NUP214: variants seen among roughly 807,000 people sequenced by gnomAD.
The protein encoded by NUP214 is nuclear pore complex protein Nup214.
A neutral mutation model predicts 196.2 loss-of-function variants in NUP214; 79 were observed. The ratio of observed to expected loss-of-function variants is 0.40; its 90% CI spans 0.34 to 0.49. The LOEUF (loss-of-function observed/expected upper bound fraction) is 0.49. Ranked by LOEUF, NUP214 falls within the 20% of genes least tolerant of loss-of-function variation. NUP214 has a pLI of 0.58. For missense variants in NUP214, 2,468 were observed against 2,539.0 expected, an observed-to-expected ratio of 0.97 and a Z score of 0.60; for synonymous variants, 1,020 against 990.5, an observed-to-expected ratio of 1.03 and a Z score of -0.56.
At chr9:131,168,546 T>C (rs1469696125) in intron 21 of NUP214, among the ~76,000 whole-genome samples, 1 of 152,234 alleles carries the variant, frequency 6.6e-6, no homozygotes, top group African/African-American at 2.4e-5. Flanking sequence ...CTGATCTGCT[T>C]TCTTTCTTCT....
In NUP214 at chr9:131,175,490, A is replaced by G. The variant is rs756530035; in HGVS notation, c.3188A>G (p.Gln1063Arg). The stretch of plus-strand genomic sequence containing the variant: ...ACATCTGCTAGCAAAATTATTCCTC[A>G]AGGGGCCGATAGCACAATGCTTGCC... Reference protein sequence around the residue: ...VATSASKIIPQGADSTMLATK... With the variant: ...VATSASKIIPRGADSTMLATK... The change falls in exon 23 of 36, where the codon CAA (glutamine) becomes CGA (arginine). Residue 1063 changes from glutamine (Q) to arginine (R), a missense_variant. Gln to Arg is a conservative substitution (Grantham distance 43). Around this residue, in one of 5 missense-constraint regions of NUP214, gnomAD observed 1,801 missense variants for 1,779.4 expected, o/e 1.01. Coordinates refer to ENST00000359428, the MANE Select transcript of NUP214 (RefSeq NM_005085.4). The G allele has an allele frequency of 4.3e-6, 7 of 1,614,036 alleles. No individual in the cohort carries two copies. The African/African-American group carries it at 8.0e-5, about 18-fold the overall frequency.
intron 14 of NUP214, among the ~76,000 whole-genome samples, chr9:131,148,000 G>A (rs781601643): frequency 1.3e-5 from 2 of 152,174 alleles, no homozygotes; most frequent in Non-Finnish European, 1.5e-5. Flanking sequence ...TAGCCTGGTC[G>A]ACATGGTGAA....
chr9:131,173,564 T>A (rs1240250875), intron 21 of NUP214, among the ~76,000 whole-genome samples: 5 of 151,768 alleles, frequency 3.3e-5, no homozygotes, highest in Admixed American at 3.3e-4. Flanking sequence ...CCTAATTGTC[T>A]GAATCAGAAG....
chr9:131,170,777 T>C (rs1588144714), intron 21 of NUP214, among the ~76,000 whole-genome samples: 1 of 146,410 alleles, frequency 6.8e-6, no homozygotes, highest in Non-Finnish European at 1.5e-5. Flanking sequence ...TTTCTGCCTT[T>C]CCAGTCCTTT....
At chr9:131,225,704 G>C in intron 32 of NUP214, among the ~76,000 whole-genome samples, 1 of 152,160 alleles carries the variant, frequency 6.6e-6, no homozygotes, top group East Asian at 1.9e-4. Context: ...TGAAAGAGGG[G>C]ACTGGAAGTC....
chr9:131,137,535 C>T (rs7861678), intron 9 of NUP214, among the ~76,000 whole-genome samples: 35,832 of 148,134 alleles, frequency 0.24, 4,476 homozygotes, highest in East Asian at 0.41. Context: ...GTTTTTTACC[C>T]TCATTTCTGG....
intron 30 of NUP214, among the ~76,000 whole-genome samples, chr9:131,204,293 TGAA>T (rs953202842): frequency 1.3e-5 from 2 of 152,168 alleles, no homozygotes; most frequent in African/African-American, 4.8e-5. Context: ...ATAGCAAATT[TGAA>T]GAAGAACCAA....
In NUP214 at chr9:131,228,376, A is replaced by G. The variant is rs566912094; in HGVS notation, c.6074+45A>G. On this transcript the variant is annotated intron_variant, in intron 33 of 35. Transcript: ENST00000359428. ...CCCTTGGGAACCCACACGCCAGCCAAAAAGCACTAGGGGCCTGTACTCTTG... is the reference window on the plus strand; with the variant it reads ...CCCTTGGGAACCCACACGCCAGCCAGAAAGCACTAGGGGCCTGTACTCTTG... 3.2e-6 allele frequency: 5 copies of G among 1,541,316 alleles called. No homozygotes were observed. In the South Asian group the frequency reaches 3.6e-5, roughly 11 times the overall value.
Position 131,129,394 on chromosome 9 carries a change from C to T in NUP214, c.509C>T (p.Ala170Val). The change falls in exon 4 of 36, where the codon GCT becomes GTT. Residue 170 changes from alanine to valine, a missense_variant. By Grantham distance (64) the Ala-to-Val change is moderately conservative. Transcript: ENST00000359428. ...TVPSMVAVCLADGSIAVLQVT... is the reference protein window; with the variant it reads ...TVPSMVAVCLVDGSIAVLQVT... ...CCCTCCATGGTGGCAGTTTGTCTGG[C>T]TGATGGTAGTATTGCTGTCCTGCAA... is the stretch of plus-strand genomic sequence containing the variant. The T allele has an allele frequency of 6.2e-7, 1 of 1,614,216 alleles. No homozygotes were observed. Among genetic ancestry groups the T allele is most frequent in the South Asian group, 1.1e-5 (1 of 91,092 alleles).
chr9:131,231,747 A>G (rs960693584), intron 34 of NUP214, among the ~76,000 whole-genome samples: 3 of 152,028 alleles, frequency 2.0e-5, no homozygotes, highest in African/African-American at 7.2e-5. Context: ...TAAACTGACA[A>G]GGCACAGAAT....
intron 30 of NUP214, among the ~76,000 whole-genome samples, chr9:131,210,023 G>C (rs1214346744): frequency 6.6e-6 from 1 of 152,190 alleles, no homozygotes; most frequent in Non-Finnish European, 1.5e-5. Flanking sequence ...CTCTGTTCCA[G>C]ATCAACCCTT....
intron 1 of NUP214, chr9:131,126,413 A>C (rs1831353043): frequency 6.6e-6 from 1 of 152,352 alleles, no homozygotes; most frequent in African/African-American, 2.4e-5. Context: ...TTCTGACAGA[A>C]TGAGGGTACA....
At chr9:131,177,417 T>C (rs1833149389) in intron 23 of NUP214, among the ~76,000 whole-genome samples, 1 of 152,184 alleles carries the variant, frequency 6.6e-6, no homozygotes, top group Non-Finnish European at 1.5e-5. Context: ...TCTATTAGGA[T>C]TGAGGATTGT....
rs1476884132 is a variant in NUP214 at position 131,178,514 on chromosome 9, C to T, written c.3419+104C>T. 9 of 790,578 alleles carry T rather than the reference C, an allele frequency of 1.1e-5. No homozygotes were observed. The Admixed American group carries it at 1.7e-4, about 15-fold the overall frequency. The allele number at this position is 790,578 out of a possible 1,614,324, so 49.0% of individuals were successfully genotyped here. ...CCACTGTCACAGTCTGGTTTTCCTGCACCGCCTTAGGTTATAAGGGGGGTG... is the reference window on the plus strand; with the variant it reads ...CCACTGTCACAGTCTGGTTTTCCTGTACCGCCTTAGGTTATAAGGGGGGTG... On this transcript the variant is annotated intron_variant, in intron 24 of 35. Coordinates refer to ENST00000359428, the MANE Select transcript of NUP214 (RefSeq NM_005085.4).
intron 18 of NUP214, 127 bp downstream of exon 18, chr9:131,159,613 T>G: frequency 2.6e-6 from 2 of 764,236 alleles, no homozygotes; most frequent in Admixed American, 4.8e-5. Context: ...ATCCCAGCAC[T>G]TTGGCAGGCC....
At chr9:131,190,858 C>G (rs983155780) in intron 26 of NUP214, 1 of 157,322 alleles carries the variant, frequency 6.4e-6, no homozygotes, top group African/African-American at 2.4e-5. Context: ...TCTGCCCCCT[C>G]TTACAATAAA....
Position 131,198,271 on chromosome 9 carries a change from C to T in NUP214, c.4777C>T (p.Gln1593Ter). The change falls in exon 29 of 36, where the codon CAG becomes TAG. Residue 1593 changes from glutamine to a stop codon, truncating the protein, a stop_gained. Transcript: ENST00000359428. LOFTEE classifies it high-confidence loss of function. ...PPASSFSVPG[Q>*]TAVTAAAISS... ...TGCTTCCTCCTTTTCTGTGCCTGGG[C>T]AGACTGCTGTCACAGCAGCTGCTAT... 1.9e-6 allele frequency: 3 copies of T among 1,614,212 alleles called. No homozygotes were observed. Among genetic ancestry groups the T allele is most frequent in the Non-Finnish European group, 2.5e-6 (3 of 1,180,040 alleles).
At chr9:131,202,871 A>C (rs896544857) in intron 30 of NUP214, among the ~76,000 whole-genome samples, 5 of 151,880 alleles carry the variant, frequency 3.3e-5, no homozygotes, top group African/African-American at 1.2e-4. Flanking sequence ...GTTTGATTTT[A>C]TGTAGCTAGC....
rs1308117820 is a variant in NUP214 at position 131,174,250 on chromosome 9, C to T, written c.3089C>T (p.Pro1030Leu). The change falls in exon 22 of 36, where the codon CCC (proline) becomes CTC (leucine). Residue 1030 changes from proline (P) to leucine (L), a missense_variant. Physicochemically the swap from Pro to Leu is moderately conservative, Grantham distance 98 (BLOSUM62 -3). Transcript: ENST00000359428. The part of the protein sequence containing the change: ...RTPSIQPSLL[P>L]HAAPFAKSHL... ...CCTTCCATCCAGCCCAGTCTCTTGC[C>T]CCATGCAGCACCTTTTGCTAAATCT... 1 of 1,613,980 alleles carries T rather than the reference C, an allele frequency of 6.2e-7. No homozygotes were observed. The highest frequency in any genetic ancestry group is 8.5e-7 in the Non-Finnish European group (1 of 1,179,974).
Sources: gnomAD v4.1 joint callset for allele counts (sites outside exome capture counted in the v4.1 genomes callset) on GRCh38, gnomAD v4.1.1 for gene constraint, gnomAD v4.1.1 regional missense constraint, MANE v1.5 for transcripts, NCBI Gene and HGNC (gene_info 2026-07-23, HGNC 2026-07-21) for gene names.